The following CDH13 variants were observed in gnomAD, a reference collection of about 807,000 sequenced individuals.
The protein encoded by CDH13 is cadherin-13.
Under a neutral mutation model 63.8 loss-of-function variants are expected in CDH13, and 24 were observed. The observed-to-expected ratio is 0.38, with a 90% CI of 0.27 to 0.53. The LOEUF (loss-of-function observed/expected upper bound fraction) is 0.53. CDH13 is among the 20% of genes least tolerant of loss of function. CDH13 has a pLI of 0.85. For missense variants in CDH13, 1,049 were observed against 903.1 expected (o/e 1.16, Z -2.07); for synonymous variants, 503 against 355.3 (o/e 1.42, Z -4.67).
chr16:82,816,580 A>C (rs1286544304), intron 1 of CDH13, among the ~76,000 whole-genome samples: 2 of 152,064 alleles, frequency 1.3e-5, no homozygotes, highest in African/African-American at 4.8e-5. Context: ...AAGAGGTGCC[A>C]GGCCAAGGTA....
At chr16:83,610,019 T>C (rs1908711557) in intron 8 of CDH13, among the ~76,000 whole-genome samples, 1 of 152,248 alleles carries the variant, frequency 6.6e-6, no homozygotes, top group Non-Finnish European at 1.5e-5. Flanking sequence ...TATGTCTTCA[T>C]GGTCTGCCCA....
At chr16:83,433,908 C>G (rs1052985580) in intron 6 of CDH13, among the ~76,000 whole-genome samples, 4 of 151,992 alleles carry the variant, frequency 2.6e-5, no homozygotes, top group Non-Finnish European at 5.9e-5. Flanking sequence ...ATGAATTATG[C>G]TTAGTGGCTC....
chr16:83,172,341 T>G (rs543169970), intron 4 of CDH13, among the ~76,000 whole-genome samples: 1 of 151,752 alleles, frequency 6.6e-6, no homozygotes, highest in African/African-American at 2.4e-5. Flanking sequence ...ATATGAAAAA[T>G]TTAGCCAGGC....
intron 6 of CDH13, among the ~76,000 whole-genome samples, chr16:83,348,580 A>G (rs2090888187): frequency 6.6e-6 from 1 of 152,196 alleles, no homozygotes; most frequent in Non-Finnish European, 1.5e-5. Context: ...ATTCTTAATA[A>G]TTGTTGAACA....
chr16:82,774,649 TGTTAAA>T (rs1249500917), intron 1 of CDH13, among the ~76,000 whole-genome samples: 1 of 152,228 alleles, frequency 6.6e-6, no homozygotes, highest in Non-Finnish European at 1.5e-5. Flanking sequence ...CATCACCCTG[TGTTAAA>T]GTTATGGTGT....
intron 2 of CDH13, among the ~76,000 whole-genome samples, chr16:82,923,706 C>T (rs573432266): frequency 6.6e-6 from 1 of 152,338 alleles, no homozygotes; most frequent in African/African-American, 2.4e-5. Flanking sequence ...CAGAACACAG[C>T]TGATACATGC....
intron 6 of CDH13, among the ~76,000 whole-genome samples, chr16:83,431,192 C>T (rs1302224822): frequency 6.6e-6 from 1 of 151,674 alleles, no homozygotes; most frequent in African/African-American, 2.4e-5. Context: ...GTATATGTGC[C>T]ACATTTTCTT....
At chr16:83,618,490 G>A (rs912091082) in intron 8 of CDH13, among the ~76,000 whole-genome samples, 5 of 151,906 alleles carry the variant, frequency 3.3e-5, no homozygotes, top group African/African-American at 1.2e-4. Context: ...TATAGATGAG[G>A]GGTCCTGCTC....
chr16:83,507,261 C>T (rs1457059406), intron 7 of CDH13, among the ~76,000 whole-genome samples: 1 of 152,190 alleles, frequency 6.6e-6, no homozygotes, highest in African/African-American at 2.4e-5. Flanking sequence ...AGTCTCTCTC[C>T]TCTGTCGATT....
At chr16:83,689,705 C>T (rs1215637607) in intron 10 of CDH13, among the ~76,000 whole-genome samples, 3 of 152,166 alleles carry the variant, frequency 2.0e-5, no homozygotes, top group African/African-American at 7.2e-5. Context: ...GAAGATCCGA[C>T]CTTATATGGC....
intron 1 of CDH13, among the ~76,000 whole-genome samples, chr16:82,761,869 C>T (rs1330970561): frequency 6.6e-6 from 1 of 152,166 alleles, no homozygotes; most frequent in African/African-American, 2.4e-5. Flanking sequence ...CATACACACA[C>T]ATCCTAGTAG....
chr16:83,460,269 C>T (rs1023791086), intron 6 of CDH13, among the ~76,000 whole-genome samples: 2 of 152,200 alleles, frequency 1.3e-5, no homozygotes, highest in Admixed American at 1.3e-4. Flanking sequence ...AACAGGAAAA[C>T]AGAGACCCTC....
At chr16:83,242,338 C>G (rs994665758) in intron 5 of CDH13, among the ~76,000 whole-genome samples, 1 of 152,128 alleles carries the variant, frequency 6.6e-6, no homozygotes, top group Non-Finnish European at 1.5e-5. Context: ...GTGGCAATGA[C>G]TGAGAGACAC....
At chr16:83,210,810 A>C (rs76003267) in intron 4 of CDH13, among the ~76,000 whole-genome samples, 2,063 of 151,846 alleles carry the variant, frequency 0.014, 42 homozygotes, top group Middle Eastern at 0.027. Context: ...ACAGTCACAC[A>C]TGGCAGTGGG....
chr16:83,629,794 A>G (rs754131802), intron 8 of CDH13, among the ~76,000 whole-genome samples: 2 of 152,202 alleles, frequency 1.3e-5, no homozygotes, highest in East Asian at 1.9e-4. Context: ...CCAGCATCCA[A>G]TTGGAAAACT....
chr16:83,083,179 G>T (rs2033367720), intron 3 of CDH13, among the ~76,000 whole-genome samples: 7 of 152,134 alleles, frequency 4.6e-5, no homozygotes, highest in Admixed American at 4.6e-4. Flanking sequence ...ATCATGGGTT[G>T]GTATAGGATG....
In CDH13 at chr16:83,680,959, G is replaced by C. The variant is rs539153807; in HGVS notation, c.1538+2498G>C. On this transcript the variant is annotated intron_variant, in intron 10 of 13. Transcript: ENST00000567109. ...CCTCAGCCATATTTGCACATCTGTA[G>C]AGGGAAGAGGGAAGAGGCACCAGCA... 3.9e-5 allele frequency among the ~76,000 whole-genome samples: 6 copies of C among 152,114 alleles called. No homozygotes were observed. The South Asian group carries it at 1.2e-3, about 32-fold the overall frequency.
rs1374855434 is a variant in CDH13 at position 83,034,614 on chromosome 16, G to C, written c.366+2396G>C. ...TAGAAACATGGAAATGGTATGGTGA[G>C]GGGGTTTGCCCATGGGCTTGAATGC... On this transcript the variant is annotated intron_variant, in intron 3 of 13. Transcript: ENST00000567109. 2.6e-5 allele frequency among the ~76,000 whole-genome samples: 4 copies of C among 152,236 alleles called. No homozygotes were observed. The East Asian group carries it at 7.7e-4, about 29-fold the overall frequency.
At chr16:83,032,737 T>C (rs1419720606) in intron 3 of CDH13, among the ~76,000 whole-genome samples, 1 of 152,164 alleles carries the variant, frequency 6.6e-6, no homozygotes, top group African/African-American at 2.4e-5. Context: ...GATGTTCTGG[T>C]TGGCCACGTC....
Sources: allele counts gnomAD v4.1 joint callset (sites outside exome capture counted in the v4.1 genomes callset), GRCh38; gene constraint gnomAD v4.1.1; transcripts MANE v1.5; gene names NCBI Gene and HGNC (gene_info 2026-07-23, HGNC 2026-07-21).